The following EPC1 variants were observed in gnomAD, a reference collection of about 807,000 sequenced individuals.
EPC1 encodes enhancer of polycomb 1, also known as enhancer of polycomb homolog 1.
EPC1 carries 12 observed loss-of-function variants against 98.4 expected under a neutral mutation model. The ratio of observed to expected loss-of-function variants is 0.12; its 90% confidence interval spans 0.08 to 0.20. EPC1 has a LOEUF of 0.20. Among genes scored for constraint, EPC1 ranks in the 10% least tolerant of loss-of-function variants. The pLI is 1.00. For missense variants in EPC1, 729 were observed against 990.5 expected (o/e 0.74, Z 3.54); for synonymous variants, 357 against 363.9 (o/e 0.98, Z 0.21).
chr10:32,291,022 C>A, intron 6 of EPC1, 141 bp downstream of exon 6: 1 of 680,428 alleles, frequency 1.5e-6, no homozygotes, highest in Non-Finnish European at 2.4e-6. Flanking sequence ...GGTGATCTAC[C>A]CACCTCCGTG....
At chr10:32,288,312 CTTTTTTTTTTTT>C (rs5784278) in intron 6 of EPC1, among the ~76,000 whole-genome samples, 3 of 124,102 alleles carry the variant, frequency 2.4e-5, no homozygotes, top group East Asian at 2.3e-4. Flanking sequence ...TTACTTTTTT[CTTTTTTTTTTTT>C]TTTTTTTTGA....
intron 10 of EPC1, among the ~76,000 whole-genome samples, chr10:32,276,731 G>T (rs1230813415): frequency 6.6e-6 from 1 of 152,180 alleles, no homozygotes; most frequent in Non-Finnish European, 1.5e-5. Context: ...ATTATAACCT[G>T]AAAGTCTAAC....
At chr10:32,364,453 TG>T (rs1199514480) in intron 1 of EPC1, among the ~76,000 whole-genome samples, 1 of 152,202 alleles carries the variant, frequency 6.6e-6, no homozygotes, top group Non-Finnish European at 1.5e-5. Flanking sequence ...TTACCTTAAC[TG>T]TATTACAAAG....
At chr10:32,311,942 C>T (rs893088034) in intron 1 of EPC1, among the ~76,000 whole-genome samples, 4 of 152,142 alleles carry the variant, frequency 2.6e-5, no homozygotes, top group Admixed American at 6.5e-5. Flanking sequence ...TAATTTAAAA[C>T]GTTTTTAAAA....
intron 11 of EPC1, chr10:32,272,939 C>G: frequency 2.6e-4 from 305 of 1,173,296 alleles, no homozygotes; most frequent in Non-Finnish European, 3.5e-4. Context: ...AAGACAGTAT[C>G]TTCATCTCAT....
chr10:32,363,143 A>T (rs1839492097), intron 1 of EPC1, among the ~76,000 whole-genome samples: 1 of 152,214 alleles, frequency 6.6e-6, no homozygotes, highest in Admixed American at 6.5e-5. Flanking sequence ...GCACAATCTC[A>T]GCTCACTGCA....
chr10:32,356,308 T>C (rs1839275847), intron 1 of EPC1, among the ~76,000 whole-genome samples: 1 of 152,168 alleles, frequency 6.6e-6, no homozygotes, highest in Non-Finnish European at 1.5e-5. Flanking sequence ...ATTGTGCCAA[T>C]TGCTTAGGTA....
At chr10:32,332,496 A>T (rs1837698493) in intron 1 of EPC1, among the ~76,000 whole-genome samples, 1 of 152,196 alleles carries the variant, frequency 6.6e-6, no homozygotes, top group Non-Finnish European at 1.5e-5. Flanking sequence ...AGATTGGGTG[A>T]TAAAAGACTT....
chr10:32,295,199 G>A (rs1486864746), intron 2 of EPC1, among the ~76,000 whole-genome samples: 1 of 152,122 alleles, frequency 6.6e-6, no homozygotes, highest in African/African-American at 2.4e-5. Context: ...GCTAAGTGGA[G>A]GGTAACAGGT....
In EPC1 at chr10:32,289,308, C is replaced by T. The variant is rs533627935; in HGVS notation, c.975+1855G>A. On this transcript the variant is annotated intron_variant, in intron 6 of 13. Coordinates refer to ENST00000319778, the MANE Select transcript of EPC1 (RefSeq NM_001272004.3). ...CTACTCTCCCTCCCACCCTCCCCTA[C>T]GTTTTTTAAAAATCAAAATGTCCAT... Among the ~76,000 whole-genome samples the T allele has an allele frequency of 1.7e-3, 217 of 124,742 alleles. 2 individuals are homozygous for T. The highest frequency in any genetic ancestry group is 6.1e-3 in the African/African-American group (207 of 34,062). The allele number at this position is 124,742 out of a possible 152,430, so 81.8% of individuals were successfully genotyped here.
chr10:32,272,175 GA>G lies in EPC1; in HGVS notation c.1864-9del. On this transcript the variant is annotated splice_polypyrimidine_tract_variant and intron_variant, in intron 11 of 13. Transcript: ENST00000319778. ...AGTCTTAGAAACAAAACCCTAAAAA[GA>G]AAATACAAAAGAAATCTAATCAGTA... The G allele has an allele frequency of 6.3e-7, 1 of 1,598,742 alleles. No homozygotes were observed. Among genetic ancestry groups the G allele is most frequent in the Non-Finnish European group, 8.5e-7 (1 of 1,175,154 alleles).
intron 1 of EPC1, among the ~76,000 whole-genome samples, chr10:32,335,650 T>C (rs989734276): frequency 6.6e-6 from 1 of 152,298 alleles, no homozygotes; most frequent in South Asian, 2.1e-4. Context: ...AGCTGTCATA[T>C]ACACTCTTTA....
At chr10:32,328,086 C>T (rs1461902360) in intron 1 of EPC1, among the ~76,000 whole-genome samples, 1 of 151,792 alleles carries the variant, frequency 6.6e-6, no homozygotes. Context: ...GATTTCTCAA[C>T]CCCAAGCCAT....
At chr10:32,273,551 CACT>C (rs1184034601) in intron 10 of EPC1, among the ~76,000 whole-genome samples, 3 of 151,590 alleles carry the variant, frequency 2.0e-5, no homozygotes, top group Non-Finnish European at 4.4e-5. Context: ...ATTTCAACAC[CACT>C]ATTTTTTTTT....
intron 10 of EPC1, among the ~76,000 whole-genome samples, chr10:32,277,385 C>T (rs1410232): frequency 0.55 from 83,842 of 152,064 alleles, 26,554 homozygotes; most frequent in East Asian, 0.72. Flanking sequence ...AACCAGGGAC[C>T]TGCAGGTTTT....
chr10:32,286,572 C>A, intron 9 of EPC1, 122 bp downstream of exon 9: 1 of 1,141,532 alleles, frequency 8.8e-7, no homozygotes, highest in Non-Finnish European at 1.2e-6. Context: ...GTCAACAGAT[C>A]AGTTAAGAAT....
chr10:32,309,503 T>TC lies in EPC1; in HGVS notation c.154-3573_154-3572insG, dbSNP rs1251917267. Among the ~76,000 whole-genome samples the TC allele has an allele frequency of 4.0e-5, 6 of 151,200 alleles. No individual in the cohort carries two copies. In the East Asian group the frequency reaches 1.2e-3, roughly 29 times the overall value. On this transcript the variant is annotated intron_variant, in intron 1 of 13. Transcript: ENST00000319778. ...GGGAGTATTTTCAAGCTTTTTTTTT[T>TC]TTTTCTTTTCCCATTCCACTCAACT...
intron 1 of EPC1, among the ~76,000 whole-genome samples, chr10:32,344,562 G>A (rs558629459): frequency 1.3e-5 from 2 of 150,076 alleles, no homozygotes; most frequent in Non-Finnish European, 3.0e-5. Flanking sequence ...GAGGCGGGCG[G>A]ATCACCTGAG....
In EPC1 at chr10:32,290,941, A is replaced by T. The variant is rs1035387605; in HGVS notation, c.975+222T>A. 1.1e-4 allele frequency among the ~76,000 whole-genome samples: 17 copies of T among 151,624 alleles called. No individual in the cohort carries two copies. The Middle Eastern group carries it at 0.014, about 121-fold the overall frequency. On this transcript the variant is annotated intron_variant, in intron 6 of 13. Transcript: ENST00000319778. ...AGGCGCATGCCACCATACCTGGCTA[A>T]TTTTTTTGTATTTTTAGTAGAGACG...
Sources: allele counts gnomAD v4.1 joint callset (sites outside exome capture counted in the v4.1 genomes callset), GRCh38; gene constraint gnomAD v4.1.1; transcripts MANE v1.5; gene names NCBI Gene and HGNC (gene_info 2026-07-23, HGNC 2026-07-21).